The following PCLO variants were observed in gnomAD, a reference collection of about 807,000 sequenced individuals.
PCLO encodes protein piccolo.
Under a neutral mutation model 427.5 loss-of-function variants are expected in PCLO, and 82 were observed. The observed-to-expected ratio is 0.19, with a 90% CI of 0.16 to 0.23. The LOEUF is 0.23. PCLO is among the 10% of genes least tolerant of loss of function. The pLI, the probability that PCLO is intolerant of heterozygous loss-of-function variation, is 1.00. For synonymous variants in PCLO, 2,357 were observed against 2,155.4 expected (o/e 1.09, Z -2.59); for missense variants, 6,239 against 6,115.9 (o/e 1.02, Z -0.67).
At chr7:82,886,700 A>G (rs1793635385) in intron 9 of PCLO, among the ~76,000 whole-genome samples, 1 of 152,104 alleles carries the variant, frequency 6.6e-6, no homozygotes, top group Non-Finnish European at 1.5e-5. Context: ...TTTTCATTGA[A>G]GAGTTATTTA....
intron 2 of PCLO, among the ~76,000 whole-genome samples, chr7:83,149,333 A>G (rs1792073823): frequency 6.6e-6 from 1 of 152,124 alleles, no homozygotes; most frequent in African/African-American, 2.4e-5. Flanking sequence ...TGGTTTTCTC[A>G]GCTCTTTTTC....
intron 22 of PCLO, among the ~76,000 whole-genome samples, chr7:82,772,746 T>G (rs575704301): frequency 3.9e-5 from 6 of 152,308 alleles, no homozygotes; most frequent in Non-Finnish European, 7.3e-5. Context: ...AGTGTTTTTT[T>G]GGCATTTTTG....
At chr7:82,970,902 A>G (rs1439947330) in intron 3 of PCLO, among the ~76,000 whole-genome samples, 4 of 151,880 alleles carry the variant, frequency 2.6e-5, no homozygotes, top group African/African-American at 9.7e-5. Context: ...CATCATTATC[A>G]TATCATCATC....
At chr7:83,033,717 T>G (rs1788727483) in intron 3 of PCLO, among the ~76,000 whole-genome samples, 1 of 152,166 alleles carries the variant, frequency 6.6e-6, no homozygotes, top group Non-Finnish European at 1.5e-5. Flanking sequence ...ACTATTACTT[T>G]CTTAGACATA....
chr7:83,113,225 T>C (rs1014402322), intron 3 of PCLO, among the ~76,000 whole-genome samples: 2 of 152,234 alleles, frequency 1.3e-5, no homozygotes, highest in African/African-American at 4.8e-5. Context: ...CAATTTGTTC[T>C]AGCAAGATGG....
rs777435078 is a variant in PCLO at position 82,955,981 on chromosome 7, C to G, written c.4972G>C (p.Val1658Leu). The G allele has an allele frequency of 3.1e-6, 5 of 1,613,594 alleles. No homozygotes were observed. Among genetic ancestry groups the G allele is most frequent in the Non-Finnish European group, 4.2e-6 (5 of 1,179,846 alleles). ...TKSQESEELVVTGGGGLRRFK... is the reference protein window; with the variant it reads ...TKSQESEELVLTGGGGLRRFK... ...CGGCGTAGCCCTCCTCCTCCAGTAA[C>G]TACAAGTTCTTCACTTTCCTGACTT... is the stretch of plus-strand genomic sequence containing the variant. Residue 1658 changes from valine to leucine, a missense_variant, in exon 5 of 25, where the codon GTT becomes CTT. Val to Leu is a conservative substitution (Grantham distance 32). Around this residue, in one of 5 missense-constraint regions of PCLO, gnomAD observed 4,677 missense variants for 4,468.4 expected, o/e 1.05. Coordinates refer to ENST00000333891, the MANE Select transcript of PCLO (RefSeq NM_033026.6).
chr7:83,071,140 C>T (rs928339725), intron 3 of PCLO, among the ~76,000 whole-genome samples: 25 of 152,090 alleles, frequency 1.6e-4, no homozygotes, highest in African/African-American at 5.8e-4. Flanking sequence ...GCAGCCCTCA[C>T]CACTATCTGT....
chr7:83,107,988 A>T (rs1413796014), intron 3 of PCLO, among the ~76,000 whole-genome samples: 5 of 35,042 alleles, frequency 1.4e-4, no homozygotes, highest in South Asian at 1.5e-3. Flanking sequence ...ACTCCGTCTA[A>T]AAAAAAAAAA....
intron 20 of PCLO, chr7:82,821,844 GT>G: frequency 1.0e-6 from 1 of 982,252 alleles, no homozygotes; most frequent in Non-Finnish European, 1.2e-6. Context: ...ATTTAATGTA[GT>G]TTTTTGAGAA....
chr7:82,923,034 C>A (rs1794634189), intron 6 of PCLO, among the ~76,000 whole-genome samples: 1 of 151,820 alleles, frequency 6.6e-6, no homozygotes, highest in East Asian at 1.9e-4. Context: ...CATAATTTCA[C>A]AAAAAATTAT....
rs529893833 is a variant in PCLO, at chr7:82,754,145, C to T, written c.*4430G>A. 1.5e-4 allele frequency: 23 copies of T among 152,070 alleles called. No homozygotes were observed. The highest frequency in any genetic ancestry group is 3.4e-3 in the Middle Eastern group (1 of 294). The allele number at this position is 152,070 out of a possible 1,614,324, so 9.4% of individuals were successfully genotyped here. A position where few individuals can be genotyped will look rare whatever the true frequency, so the allele number is the denominator to read the frequency against. ...TTTTTACATAGAGTAAAACTCAAGA[C>T]GGATTTACAAGCATTTTTTTTTAAA... is the stretch of plus-strand genomic sequence containing the variant. On this transcript the variant is annotated 3_prime_UTR_variant, in exon 25 of 25. Coordinates refer to ENST00000333891, the MANE Select transcript of PCLO (RefSeq NM_033026.6).
At chr7:83,161,875 C>G (rs182744858) in intron 1 of PCLO, among the ~76,000 whole-genome samples, 1 of 152,250 alleles carries the variant, frequency 6.6e-6, no homozygotes, top group East Asian at 1.9e-4. Flanking sequence ...CAAGAGAGGA[C>G]AAATCACCTA....
intron 3 of PCLO, among the ~76,000 whole-genome samples, chr7:82,976,093 G>A (rs1372753290): frequency 6.6e-6 from 1 of 152,198 alleles, no homozygotes; most frequent in Non-Finnish European, 1.5e-5. Flanking sequence ...CAAAGCAGTA[G>A]CCATACTGGG....
At chr7:83,083,604 A>T (rs574777724) in intron 3 of PCLO, among the ~76,000 whole-genome samples, 1 of 152,136 alleles carries the variant, frequency 6.6e-6, no homozygotes, top group Non-Finnish European at 1.5e-5. Flanking sequence ...AACATTCAAT[A>T]TTTTCATGGA....
chr7:82,818,886 T>C (rs1033403599), intron 20 of PCLO, among the ~76,000 whole-genome samples: 21 of 152,176 alleles, frequency 1.4e-4, no homozygotes, highest in African/African-American at 5.1e-4. Flanking sequence ...AGAATGCGGA[T>C]GGGATTATAC....
chr7:83,077,691 C>T (rs972277813), intron 3 of PCLO, among the ~76,000 whole-genome samples: 3 of 152,074 alleles, frequency 2.0e-5, no homozygotes, highest in Non-Finnish European at 4.4e-5. Context: ...GAGGCGTTCT[C>T]CCTGTTGTGT....
chr7:82,930,152 C>G (rs13237970), intron 6 of PCLO, among the ~76,000 whole-genome samples: 1 of 152,066 alleles, frequency 6.6e-6, no homozygotes, highest in Non-Finnish European at 1.5e-5. Context: ...GTATGTAGTT[C>G]TAAGTACTAA....
intron 18 of PCLO, among the ~76,000 whole-genome samples, chr7:82,825,685 T>C (rs1302285754): frequency 1.4e-5 from 2 of 148,136 alleles, no homozygotes; most frequent in African/African-American, 4.9e-5. Context: ...CGTGTATATA[T>C]ACATTATATA....
In PCLO at chr7:83,155,358, T is replaced by G. The variant is rs776710667; in HGVS notation, c.1283A>C (p.Gln428Pro). 6.2e-7 allele frequency: 1 copy of G among 1,613,730 alleles called. No individual in the cohort carries two copies. Among genetic ancestry groups the G allele is most frequent in the Non-Finnish European group, 8.5e-7 (1 of 1,179,832 alleles). ...AGGCCCAGGTGCCTTAGCTGGAGAC[T>G]GTAGCCCAGGTTGTTGAGCTAGGGG... The part of the protein sequence containing the change: ...PKPLAQQPGL[Q>P]SPAKAPGPTK... Residue 428 changes from glutamine (Q) to proline (P), a missense_variant, in exon 2 of 25, where the codon CAG becomes CCG. Gln to Pro is a moderately conservative substitution (Grantham distance 76). Transcript: ENST00000333891.
Sources: gnomAD v4.1 joint callset for allele counts (sites outside exome capture counted in the v4.1 genomes callset) on GRCh38, gnomAD v4.1.1 for gene constraint, gnomAD v4.1.1 regional missense constraint, MANE v1.5 for transcripts, NCBI Gene and HGNC (gene_info 2026-07-23, HGNC 2026-07-21) for gene names.